The following PAFAH2 variants were observed in gnomAD, a reference collection of about 807,000 sequenced individuals.
PAFAH2 encodes platelet-activating factor acetylhydrolase 2, cytoplasmic.
PAFAH2 carries 42 observed loss-of-function variants against 49.0 expected under a neutral mutation model. The observed-to-expected ratio is 0.86, with a 90% CI of 0.67 to 1.11. The LOEUF (loss-of-function observed/expected upper bound fraction) is 1.11. Ranked by LOEUF, PAFAH2 falls within the 50% of genes least tolerant of loss-of-function variation. PAFAH2 has a pLI of 0.00. For synonymous variants in PAFAH2, 184 were observed against 181.3 expected (o/e 1.01, Z -0.12); for missense variants, 503 against 501.8 (o/e 1.00, Z -0.02).
intron 10 of PAFAH2, among the ~76,000 whole-genome samples, chr1:25,970,535 C>T (rs867168600): frequency 4.6e-5 from 7 of 151,828 alleles, no homozygotes; most frequent in East Asian, 1.9e-4. Context: ...AGGATGGCAC[C>T]GGTCAGACCA....
chr1:25,970,842 C>A (rs1388138179), intron 10 of PAFAH2, among the ~76,000 whole-genome samples: 2 of 152,104 alleles, frequency 1.3e-5, no homozygotes, highest in African/African-American at 4.8e-5. Context: ...CCCATCTCAG[C>A]CTCCCAAAGT....
intron 10 of PAFAH2, among the ~76,000 whole-genome samples, chr1:25,969,389 T>C (rs2049473783): frequency 6.6e-6 from 1 of 152,198 alleles, no homozygotes; most frequent in Non-Finnish European, 1.5e-5. Flanking sequence ...GTGCCTACTG[T>C]GGCCATGGAA....
intron 7 of PAFAH2, among the ~76,000 whole-genome samples, chr1:25,977,084 G>A (rs1394105267): frequency 1.5e-4 from 21 of 141,002 alleles, no homozygotes; most frequent in African/African-American, 5.2e-4. Flanking sequence ...GTGCAGTGGC[G>A]CGATCTCGGC....
intron 8 of PAFAH2, among the ~76,000 whole-genome samples, chr1:25,974,864 G>C (rs1289596927): frequency 2.6e-5 from 4 of 152,208 alleles, no homozygotes; most frequent in Non-Finnish European, 5.9e-5. Flanking sequence ...AACTCTCTGA[G>C]AACAAGGATC....
Position 25,984,544 on chromosome 1 carries a change from G to A in PAFAH2, c.342-16C>T, listed in dbSNP as rs762874936. 6.2e-7 allele frequency: 1 copy of A among 1,609,006 alleles called. No individual in the cohort carries two copies. Among genetic ancestry groups the A allele is most frequent in the Non-Finnish European group, 8.5e-7 (1 of 1,175,618 alleles). On this transcript the variant is annotated splice_polypyrimidine_tract_variant and intron_variant, in intron 4 of 10. Transcript: ENST00000374282. ...ATACAAAGTCCTGGAGATTCAAAAA[G>A]GAACAAGGAAAAGGGATCAAAAGAA...
rs200871432 is a variant in PAFAH2, at chr1:25,962,008, T to C, written c.1160A>G (p.His387Arg). ...IGPSLTPGAP[H>R]HLSSL ...TTGTGCCTACAGGCTGGACAGATGGTGGGGGGCCCCTGGGGTGAGCGACGG... is the reference window on the plus strand; with the variant it reads ...TTGTGCCTACAGGCTGGACAGATGGCGGGGGGCCCCTGGGGTGAGCGACGG... The change falls in exon 11 of 11, where the codon CAC becomes CGC. Residue 387 changes from histidine to arginine, a missense_variant. His to Arg is a conservative substitution (Grantham distance 29, BLOSUM62 0). Coordinates refer to ENST00000374282, the MANE Select transcript of PAFAH2 (RefSeq NM_000437.4). 5.9e-5 allele frequency: 96 copies of C among 1,613,744 alleles called. No individual in the cohort carries two copies. The Admixed American group carries it at 1.6e-3, about 26-fold the overall frequency.
chr1:25,961,773 CTGTT>C lies in PAFAH2; in HGVS notation c.*212_*215del, dbSNP rs2049341308. Reference sequence around the variant, plus strand: ...CCACTCCATCAAGGTCCCAGAAAGTCTGTTTGTCAATCAGCAAGGGATCCCAGTC... The same window carrying C: ...CCACTCCATCAAGGTCCCAGAAAGTCTGTCAATCAGCAAGGGATCCCAGTC... On this transcript the variant is annotated 3_prime_UTR_variant, in exon 11 of 11. Transcript: ENST00000374282. 2 of 470,104 alleles carry C rather than the reference CTGTT, an allele frequency of 4.3e-6. No individual in the cohort carries two copies. The highest frequency in any genetic ancestry group is 7.6e-6 in the Non-Finnish European group (2 of 263,788). 29.1% of individuals were successfully genotyped at this position (470,104 alleles called of 1,614,324 possible).
intron 6 of PAFAH2, among the ~76,000 whole-genome samples, chr1:25,983,468 G>A (rs1234453696): frequency 1.3e-5 from 2 of 151,130 alleles, no homozygotes; most frequent in Non-Finnish European, 2.9e-5. Flanking sequence ...GAGGTAGGAA[G>A]ATCTCTTGAG....
intron 7 of PAFAH2, among the ~76,000 whole-genome samples, chr1:25,977,091 CG>C (rs1302237403): frequency 7.1e-6 from 1 of 140,212 alleles, no homozygotes; most frequent in Non-Finnish European, 1.5e-5. Context: ...GGCGCGATCT[CG>C]GCTCACTGCA....
intron 10 of PAFAH2, among the ~76,000 whole-genome samples, chr1:25,965,005 CA>C (rs1349508386): frequency 1.3e-5 from 2 of 152,140 alleles, no homozygotes; most frequent in African/African-American, 4.8e-5. Flanking sequence ...GACCCAACTT[CA>C]AATTATACTA....
chr1:25,977,507 T>C (rs964455987), intron 7 of PAFAH2, among the ~76,000 whole-genome samples: 1 of 151,346 alleles, frequency 6.6e-6, no homozygotes, highest in African/African-American at 2.4e-5. Context: ...GTACAAAAAT[T>C]AGCTGGGCAT....
chr1:25,995,359 G>C (rs1441200330), intron 1 of PAFAH2, among the ~76,000 whole-genome samples: 2 of 152,194 alleles, frequency 1.3e-5, no homozygotes, highest in Non-Finnish European at 2.9e-5. Flanking sequence ...AGAGAATCTA[G>C]ATCTTAGGTT....
At position 25,994,142 on chromosome 1, in the gene PAFAH2, CT is replaced by C. The variant is rs35480896; in HGVS notation, c.-47-3280del. ...GAGGCCCAGCTCATTTGGTGCCTAG[CT>C]TTTTTTTTTTTTTTTTGAGACAGGG... is the stretch of plus-strand genomic sequence containing the variant. On this transcript the variant is annotated intron_variant, in intron 1 of 10. Coordinates refer to ENST00000374282, the MANE Select transcript of PAFAH2 (RefSeq NM_000437.4). Among the ~76,000 whole-genome samples, 613 of 135,244 alleles carry C rather than the reference CT, an allele frequency of 4.5e-3. 1 individual carries two copies. The highest frequency in any genetic ancestry group is 0.012 in the Middle Eastern group (3 of 260). The allele number at this position is 135,244 out of a possible 152,430, so 88.7% of individuals were successfully genotyped here. A position where few individuals can be genotyped will look rare whatever the true frequency, so the allele number is the denominator to read the frequency against.
intron 7 of PAFAH2, among the ~76,000 whole-genome samples, chr1:25,980,611 T>TTTTTTATA (rs369555868): frequency 2.7e-5 from 2 of 74,206 alleles, no homozygotes; most frequent in Admixed American, 1.7e-4. Flanking sequence ...TGGGCCATAT[T>TTTTTTATA]TATATATATA....
chr1:25,964,433 C>A (rs1253284923), intron 10 of PAFAH2: 3 of 152,096 alleles, frequency 2.0e-5, no homozygotes, highest in Non-Finnish European at 4.4e-5. Context: ...TTTCTGGGTG[C>A]ACTGGCTCAT....
At chr1:25,991,472 C>T (rs191540232) in intron 1 of PAFAH2, among the ~76,000 whole-genome samples, 2 of 151,546 alleles carry the variant, frequency 1.3e-5, no homozygotes, top group Non-Finnish European at 1.5e-5. Context: ...TTAGTAGAGA[C>T]GGGGTTTCGC....
intron 7 of PAFAH2, among the ~76,000 whole-genome samples, chr1:25,981,030 T>C (rs931155733): frequency 1.3e-5 from 2 of 151,976 alleles, no homozygotes; most frequent in African/African-American, 4.8e-5. Flanking sequence ...GGTCAAGCTA[T>C]ACAGGAGGAT....
intron 4 of PAFAH2, among the ~76,000 whole-genome samples, chr1:25,987,453 C>T (rs1041103479): frequency 6.6e-6 from 1 of 151,834 alleles, no homozygotes; most frequent in African/African-American, 2.4e-5. Context: ...CACATGGGGC[C>T]GGGCGCAGTG....
chr1:25,989,283 T>C (rs945259394), intron 3 of PAFAH2, among the ~76,000 whole-genome samples, 165 bp downstream of exon 3: 1 of 152,178 alleles, frequency 6.6e-6, no homozygotes. Context: ...ACCAAAGCTC[T>C]TTCATATGTA....
Sources: gnomAD v4.1 joint callset for allele counts (sites outside exome capture counted in the v4.1 genomes callset) on GRCh38, gnomAD v4.1.1 for gene constraint, MANE v1.5 for transcripts, NCBI Gene and HGNC (gene_info 2026-07-23, HGNC 2026-07-21) for gene names.